Variants in CYP20A1 observed in about 807,000 individuals in gnomAD.
CYP20A1 encodes cytochrome P450 20A1.
CYP20A1 carries 61 observed loss-of-function variants against 61.4 expected under a neutral mutation model. The observed-to-expected ratio is 0.99, with a 90% CI of 0.81 to 1.23. The LOEUF is 1.23. CYP20A1 is among the 50% of genes most tolerant of loss of function. The pLI is 0.00. For synonymous variants in CYP20A1, 193 were observed against 188.2 expected (o/e 1.03, Z -0.21); for missense variants, 530 against 542.4 (o/e 0.98, Z 0.23).
At chr2:203,257,123 C>T (rs987336179) in intron 4 of CYP20A1, among the ~76,000 whole-genome samples, 1 of 151,686 alleles carries the variant, frequency 6.6e-6, no homozygotes, top group East Asian at 1.9e-4. Flanking sequence ...CTCACTTTGG[C>T]CTCCCGTGAT....
chr2:203,288,025 G>T (rs2068362086), intron 9 of CYP20A1, among the ~76,000 whole-genome samples: 2 of 79,702 alleles, frequency 2.5e-5, no homozygotes, highest in Non-Finnish European at 5.2e-5. Context: ...TGTTGTTGTT[G>T]TTTGCAGGTT....
chr2:203,281,526 G>A (rs1559103090), intron 8 of CYP20A1, among the ~76,000 whole-genome samples: 1 of 151,468 alleles, frequency 6.6e-6, no homozygotes, highest in Non-Finnish European at 1.5e-5. Flanking sequence ...AAGGAGGCCA[G>A]GCATGGTGAC....
chr2:203,261,336 T>C (rs186955688), intron 4 of CYP20A1, among the ~76,000 whole-genome samples: 238 of 151,872 alleles, frequency 1.6e-3, no homozygotes, highest in African/African-American at 5.6e-3. Context: ...GGTGGGAGGA[T>C]TGCTTGAGTT....
intron 1 of CYP20A1, among the ~76,000 whole-genome samples, chr2:203,243,745 A>G (rs2066347034): frequency 7.4e-6 from 1 of 134,230 alleles, no homozygotes; most frequent in African/African-American, 2.9e-5. Flanking sequence ...GCTGCAGTGC[A>G]GTGGTGTGAC....
intron 6 of CYP20A1, among the ~76,000 whole-genome samples, chr2:203,273,615 T>C (rs1470162695): frequency 6.6e-6 from 1 of 151,988 alleles, no homozygotes; most frequent in Non-Finnish European, 1.5e-5. Context: ...GCCTGGGCAA[T>C]GTAGTGAGAG....
intron 8 of CYP20A1, 54 bp from the exon 9 acceptor site, chr2:203,285,558 A>G: frequency 6.8e-7 from 1 of 1,466,214 alleles, no homozygotes; most frequent in Non-Finnish European, 9.0e-7. Context: ...CTTATTCTAT[A>G]CCCAAGCCAT....
chr2:203,283,892 A>T (rs1281550113), intron 8 of CYP20A1, among the ~76,000 whole-genome samples: 1 of 152,120 alleles, frequency 6.6e-6, no homozygotes, highest in African/African-American at 2.4e-5. Flanking sequence ...AGAGTACAGG[A>T]TTGACCACTG....
In CYP20A1 at chr2:203,301,476, G is replaced by A. The variant is rs552048559; in HGVS notation, c.*4568G>A. Among the ~76,000 whole-genome samples, 29 of 151,744 alleles carry A rather than the reference G, an allele frequency of 1.9e-4. No individual in the cohort carries two copies. The highest frequency in any genetic ancestry group is 4.2e-4 in the South Asian group (2 of 4,814). On this transcript the variant is annotated 3_prime_UTR_variant, in exon 13 of 13. Transcript: ENST00000356079. ...TTTTGAGACAGGGTCTCCCTGCGTCGCCCAGTCTTGTCTCAAACTCCTAGG... is the reference window on the plus strand; with the variant it reads ...TTTTGAGACAGGGTCTCCCTGCGTCACCCAGTCTTGTCTCAAACTCCTAGG...
intron 1 of CYP20A1, among the ~76,000 whole-genome samples, chr2:203,241,241 G>T (rs2066244316): frequency 6.6e-6 from 1 of 152,140 alleles, no homozygotes; most frequent in Admixed American, 6.6e-5. Context: ...GAGGTAGTGG[G>T]GATTTATAGA....
In CYP20A1 at chr2:203,302,856, C is replaced by T. The variant is rs1258431014; in HGVS notation, c.*5948C>T. On this transcript the variant is annotated 3_prime_UTR_variant, in exon 13 of 13. Transcript: ENST00000356079. ...TACAGGCGCGTGCCATCACACCCAG[C>T]TCATTTTTGTATTTTTAGTAGAGAT... Among the ~76,000 whole-genome samples, 1 of 151,880 alleles carries T rather than the reference C, an allele frequency of 6.6e-6. No homozygotes were observed. The highest frequency in any genetic ancestry group is 1.5e-5 in the Non-Finnish European group (1 of 68,008).
chr2:203,271,909 C>CCATCTACT (rs2067615759), intron 5 of CYP20A1, among the ~76,000 whole-genome samples: 1 of 152,020 alleles, frequency 6.6e-6, no homozygotes, highest in African/African-American at 2.4e-5. Flanking sequence ...ACCTGTAATC[C>CCATCTACT]CATCTACTCA....
Position 203,280,074 on chromosome 2 carries a change from A to G in CYP20A1, c.811A>G (p.Met271Val). 6.2e-7 allele frequency: 1 copy of G among 1,607,952 alleles called. No individual in the cohort carries two copies. Among genetic ancestry groups the G allele is most frequent in the Non-Finnish European group, 8.5e-7 (1 of 1,177,558 alleles). The change falls in exon 8 of 13, where the codon ATG becomes GTG. Residue 271 changes from methionine (M) to valine (V), a missense_variant. Coordinates refer to ENST00000356079, the MANE Select transcript of CYP20A1 (RefSeq NM_177538.3). The part of the protein sequence containing the change: ...LNDQQILEDS[M>V]IFSLASCIIT... ...TGTTTCCTAGATCCTAGAAGACAGTATGATATTTTCTCTGGCCAGTTGCAT... is the reference window on the plus strand; with the variant it reads ...TGTTTCCTAGATCCTAGAAGACAGTGTGATATTTTCTCTGGCCAGTTGCAT...
Position 203,270,766 on chromosome 2 carries a change from C to T in CYP20A1, c.601-1904C>T, listed in dbSNP as rs577060783. Among the ~76,000 whole-genome samples, 417 of 140,964 alleles carry T rather than the reference C, an allele frequency of 3.0e-3. 1 individual carries two copies. Among genetic ancestry groups the T allele is most frequent in the Non-Finnish European group, 4.6e-3 (305 of 65,958 alleles). The allele number at this position is 140,964 out of a possible 152,430, so 92.5% of individuals were successfully genotyped here. On this transcript the variant is annotated intron_variant, in intron 5 of 12. Coordinates refer to ENST00000356079, the MANE Select transcript of CYP20A1 (RefSeq NM_177538.3). The stretch of plus-strand genomic sequence containing the variant: ...TTTTTTTTTTTAGGCTGCAGTGCCT[C>T]AGTCTCAGCTCACTGCAGCCTTCAC...
chr2:203,253,046 G>A (rs1575180016), intron 4 of CYP20A1, among the ~76,000 whole-genome samples: 1 of 151,904 alleles, frequency 6.6e-6, no homozygotes, highest in Non-Finnish European at 1.5e-5. Context: ...CTGTCTTAGC[G>A]AGCCACTCTC....
At chr2:203,291,347 T>G (rs1439576406) in intron 10 of CYP20A1, among the ~76,000 whole-genome samples, 2 of 152,232 alleles carry the variant, frequency 1.3e-5, no homozygotes, top group African/African-American at 4.8e-5. Flanking sequence ...ATGTGTACGT[T>G]AAATTTAAAA....
chr2:203,242,723 C>T (rs1056321185), intron 1 of CYP20A1, among the ~76,000 whole-genome samples: 2 of 151,378 alleles, frequency 1.3e-5, no homozygotes, highest in African/African-American at 4.9e-5. Context: ...CCTGGGAGAT[C>T]GAGGCTGCAG....
At chr2:203,293,967 C>A (rs2068659462) in intron 11 of CYP20A1, among the ~76,000 whole-genome samples, 1 of 150,460 alleles carries the variant, frequency 6.6e-6, no homozygotes, top group South Asian at 2.1e-4. Flanking sequence ...ATTTCCCTGA[C>A]TTTATTTTTT....
At position 203,266,514 on chromosome 2, in the gene CYP20A1, C is replaced by G. The variant is rs1020997611; in HGVS notation, c.433C>G (p.Leu145Val). The change falls in exon 5 of 13, where the codon CTT becomes GTT. Residue 145 changes from leucine to valine, a missense_variant and splice_region_variant. Coordinates refer to ENST00000356079, the MANE Select transcript of CYP20A1 (RefSeq NM_177538.3). ...ATTGTGCTTTTCTGTTCTCTTTCAG[C>G]TTTCAGAAGAATTATTAGATAAATG... ...LKSNFALLLK[L>V]SEELLDKWLS... The G allele has an allele frequency of 6.2e-6, 10 of 1,612,868 alleles. No homozygotes were observed. In the African/African-American group the frequency reaches 1.3e-4, roughly 22 times the overall value.
Position 203,291,357 on chromosome 2 carries a change from A to G in CYP20A1, c.1084-905A>G, listed in dbSNP as rs536295299. Among the ~76,000 whole-genome samples the G allele has an allele frequency of 7.2e-5, 11 of 152,306 alleles. No homozygotes were observed. In the South Asian group the frequency reaches 2.3e-3, roughly 32 times the overall value. ...GGGCCATGTGTACGTTAAATTTAAA[A>G]TGTTCTCTAAAAGGCATTTTATACT... On this transcript the variant is annotated intron_variant, in intron 10 of 12. Coordinates refer to ENST00000356079, the MANE Select transcript of CYP20A1 (RefSeq NM_177538.3).
Sources: gnomAD v4.1 joint callset for allele counts (sites outside exome capture counted in the v4.1 genomes callset) on GRCh38, gnomAD v4.1.1 for gene constraint, MANE v1.5 for transcripts, NCBI Gene and HGNC (gene_info 2026-07-23, HGNC 2026-07-21) for gene names.